Variants in ACOX1 observed in about 807,000 individuals in gnomAD.
ACOX1 encodes the protein peroxisomal acyl-coenzyme A oxidase 1.
In ACOX1, 41 loss-of-function variants were observed where a neutral mutation model predicts 75.5. The observed-to-expected ratio is 0.54, with a 90% confidence interval of 0.42 to 0.70. ACOX1 has a LOEUF of 0.70. ACOX1 is among the 30% of genes least tolerant of loss of function. The pLI, the probability that ACOX1 is intolerant of heterozygous loss-of-function variation, is 0.00. For missense variants in ACOX1, 630 were observed against 837.5 expected, an observed-to-expected ratio of 0.75 and a Z score of 3.06; for synonymous variants, 303 against 298.8, an observed-to-expected ratio of 1.01 and a Z score of -0.15.
At chr17:75,966,440 G>A (rs956579831) in intron 2 of ACOX1, among the ~76,000 whole-genome samples, 12 of 151,422 alleles carry the variant, frequency 7.9e-5, no homozygotes, top group Middle Eastern at 3.4e-3. Flanking sequence ...CTGGGCAACA[G>A]AGCAAGACTC....
At position 75,949,298 on chromosome 17, in the gene ACOX1, T is replaced by A; in HGVS notation, c.1647A>T (p.Lys549Asn). Residue 549 changes from lysine (K) to asparagine (N), a missense_variant, in exon 12 of 14, where the codon AAA (lysine) becomes AAT (asparagine). Lys to Asn is a moderately conservative substitution (Grantham distance 94). Around this residue, in one of 2 missense-constraint regions of ACOX1, gnomAD observed 240 missense variants for 262.7 expected, o/e 0.91. Coordinates refer to ENST00000293217, the MANE Select transcript of ACOX1 (RefSeq NM_004035.7). Reference protein sequence around the residue: ...FSEKLLKIQDKAIQAVLRSLC... With the variant: ...FSEKLLKIQDNAIQAVLRSLC... ...AACTCCTTAAGACAGCTTGAATGGC[T>A]TTATCTTGAATTTTGAGGAGTTTTT... 8 of 1,614,198 alleles carry A rather than the reference T, an allele frequency of 5.0e-6. No homozygotes were observed. The highest frequency in any genetic ancestry group is 6.8e-6 in the Non-Finnish European group (8 of 1,180,006).
intron 3 of ACOX1, among the ~76,000 whole-genome samples, chr17:75,959,119 C>T (rs1056469005): frequency 2.0e-5 from 3 of 152,130 alleles, no homozygotes; most frequent in African/African-American, 7.2e-5. Flanking sequence ...CTAAAGCAAA[C>T]GTTGGGAACC....
intron 2 of ACOX1, among the ~76,000 whole-genome samples, chr17:75,971,902 A>G (rs1323987557): frequency 6.6e-6 from 1 of 152,242 alleles, no homozygotes; most frequent in Non-Finnish European, 1.5e-5. Context: ...ATGACTGTTA[A>G]GTCGAATAAA....
At chr17:75,954,215 C>CAAA (rs1318167016) in intron 6 of ACOX1, among the ~76,000 whole-genome samples, 1 of 74,484 alleles carries the variant, frequency 1.3e-5, no homozygotes, top group Non-Finnish European at 2.9e-5. Flanking sequence ...GACTCTGTCT[C>CAAA]AAAAAAAAAA....
chr17:75,976,473 T>G (rs368450118), intron 2 of ACOX1, among the ~76,000 whole-genome samples: 4 of 152,080 alleles, frequency 2.6e-5, no homozygotes, highest in Non-Finnish European at 4.4e-5. Context: ...ATCTTACTAA[T>G]TTTTTCAAAT....
At chr17:75,971,291 C>CAA (rs376674086) in intron 2 of ACOX1, among the ~76,000 whole-genome samples, 4,040 of 92,368 alleles carry the variant, frequency 0.044, 66 homozygotes, top group Middle Eastern at 0.099. Context: ...AACTCTGTCT[C>CAA]AAAAAAAAAA....
chr17:75,965,908 T>G (rs546949413), intron 2 of ACOX1, among the ~76,000 whole-genome samples: 11 of 152,090 alleles, frequency 7.2e-5, no homozygotes, highest in Admixed American at 2.6e-4. Flanking sequence ...GGCAGGCAGA[T>G]CACCTGAGGT....
intron 2 of ACOX1, among the ~76,000 whole-genome samples, chr17:75,961,084 G>A (rs947383426): frequency 6.6e-6 from 1 of 151,918 alleles, no homozygotes. Context: ...CCTGAGGTCA[G>A]GAGTTCAAGA....
Position 75,955,924 on chromosome 17 carries a change from T to C in ACOX1, c.562A>G (p.Ile188Val), listed in dbSNP as rs2065820629. Residue 188 changes from isoleucine to valine, a missense_variant, in exon 5 of 14, where the codon ATA becomes GTA. By Grantham distance (29) the Ile-to-Val change is conservative. Coordinates refer to ENST00000293217, the MANE Select transcript of ACOX1 (RefSeq NM_004035.7). ...TTAGTGATGAGCTGGGCAAGAACTA[T>C]TGCATGATTTGAAGTCTTTCCAACT... is the stretch of plus-strand genomic sequence containing the variant. ...GGLGKTSNHAIVLAQLITKGK... is the reference protein window; with the variant it reads ...GGLGKTSNHAVVLAQLITKGK... 2 of 1,614,034 alleles carry C rather than the reference T, an allele frequency of 1.2e-6. No individual in the cohort carries two copies. The highest frequency in any genetic ancestry group is 1.3e-5 in the African/African-American group (1 of 74,932).
Position 75,948,277 on chromosome 17 carries a change from T to C in ACOX1, c.1909A>G (p.Lys637Glu). 2 of 1,614,152 alleles carry C rather than the reference T, an allele frequency of 1.2e-6. No homozygotes were observed. The highest frequency in any genetic ancestry group is 1.1e-5 in the South Asian group (1 of 91,076). Residue 637 changes from lysine (K) to glutamate (E), a missense_variant, in exon 13 of 14, where the codon AAG (lysine) becomes GAG (glutamate). By Grantham distance (56) the Lys-to-Glu change is moderately conservative (BLOSUM62 1). Coordinates refer to ENST00000293217, the MANE Select transcript of ACOX1 (RefSeq NM_004035.7). ...TCTGCTTTGTTCAGTGGGGAGTTCT[T>C]AGCCCACTCAAACAAGTTTTCATAC... ...NVYENLFEWA[K>E]NSPLNKAEVH...
intron 3 of ACOX1, 23 bp from the exon 4 acceptor site, chr17:75,957,589 C>T: frequency 1.3e-6 from 2 of 1,591,394 alleles, no homozygotes; most frequent in Non-Finnish European, 1.7e-6. Flanking sequence ...ATTACATTGA[C>T]TTCAGTTAAG....
At chr17:75,952,964 C>T (rs2467099) in intron 7 of ACOX1, among the ~76,000 whole-genome samples, 30,430 of 151,970 alleles carry the variant, frequency 0.2, 3,132 homozygotes, top group Non-Finnish European at 0.22. Context: ...TGTCAGCTAC[C>T]ACACCTGGCC....
rs1567892562 is a variant in ACOX1, at chr17:75,978,908, C to A, written c.109+57G>T. ...CCCCACAGCGCCCCTGACTCCGCAT[C>A]GAGGGAGTCTCCAGCTTTTCTCGGG... On this transcript the variant is annotated intron_variant, in intron 1 of 13. Coordinates refer to ENST00000293217, the MANE Select transcript of ACOX1 (RefSeq NM_004035.7). This position sits in a 1 kb window ranked among gnomAD's most constrained non-coding sequence, Gnocchi z 4.2. 4.4e-6 allele frequency: 7 copies of A among 1,603,676 alleles called. No homozygotes were observed. The highest frequency in any genetic ancestry group is 5.9e-6 in the Non-Finnish European group (7 of 1,178,584).
Position 75,950,252 on chromosome 17 carries a change from C to CTT in ACOX1, c.1299-357_1299-356dup, listed in dbSNP as rs544337292. On this transcript the variant is annotated intron_variant, in intron 9 of 13. Coordinates refer to ENST00000293217, the MANE Select transcript of ACOX1 (RefSeq NM_004035.7). The surrounding 1 kb of genome is among the most constrained non-coding windows in gnomAD (Gnocchi z 4.3). ...ACAGGAGTAAGCCACCACACCTGGC[C>CTT]TTTTTTTTTTTGATGGAGTTTTCGC... is the stretch of plus-strand genomic sequence containing the variant. Among the ~76,000 whole-genome samples, 301 of 142,576 alleles carry CTT rather than the reference C, an allele frequency of 2.1e-3. 3 individuals are homozygous for CTT. Among genetic ancestry groups the CTT allele is most frequent in the African/African-American group, 7.3e-3 (284 of 39,070 alleles). 93.5% of individuals were successfully genotyped at this position (142,576 alleles called of 152,430 possible).
In ACOX1 at chr17:75,963,248, G is replaced by A. The variant is rs565814932; in HGVS notation, c.270-2873C>T. Among the ~76,000 whole-genome samples, 66 of 152,126 alleles carry A rather than the reference G, an allele frequency of 4.3e-4. No homozygotes were observed. In the South Asian group the frequency reaches 9.1e-3, roughly 21 times the overall value. On this transcript the variant is annotated intron_variant, in intron 2 of 13. Transcript: ENST00000293217. ...TACTATGTTCACTATTTGGGCAATG[G>A]GTACTGCAAAATCCCAGACTTCACC...
At chr17:75,973,496 T>G in intron 2 of ACOX1, 4 of 1,013,344 alleles carry the variant, frequency 3.9e-6, no homozygotes, top group Non-Finnish European at 6.1e-6. Context: ...AACAAGAAGT[T>G]GAATTTTGAC....
At chr17:75,961,465 CA>C (rs142857967) in intron 2 of ACOX1, among the ~76,000 whole-genome samples, 19,058 of 51,036 alleles carry the variant, frequency 0.37, 2,706 homozygotes, top group African/African-American at 0.59. Flanking sequence ...ACTAAAAATA[CA>C]AAAAAAAAAA....
rs1023781699 is a variant in ACOX1, at chr17:75,950,671, A to AAT, written c.1298+101_1298+102dup. On this transcript the variant is annotated intron_variant, in intron 9 of 13. Transcript: ENST00000293217. The surrounding 1 kb of genome is among the most constrained non-coding windows in gnomAD (Gnocchi z 4.3). The stretch of plus-strand genomic sequence containing the variant: ...GGCAAAAGTATACCTTTCAGGAACA[A>AAT]ATATATATATACGGTGAAGAAAAAC... 73 of 1,304,992 alleles carry AAT rather than the reference A, an allele frequency of 5.6e-5. No homozygotes were observed. The highest frequency in any genetic ancestry group is 6.8e-5 in the Non-Finnish European group (62 of 913,628). The allele number at this position is 1,304,992 out of a possible 1,614,324, so 80.8% of individuals were successfully genotyped here.
rs2065672444 is a variant in ACOX1 at position 75,941,770 on chromosome 17, A to T, written c.*4978T>A. 6.6e-6 allele frequency: 1 copy of T among 152,180 alleles called. No individual in the cohort carries two copies. Among genetic ancestry groups the T allele is most frequent in the Non-Finnish European group, 1.5e-5 (1 of 68,060 alleles). 9.4% of individuals were successfully genotyped at this position (152,180 alleles called of 1,614,324 possible). A position where few individuals can be genotyped will look rare whatever the true frequency, so the allele number is the denominator to read the frequency against. On this transcript the variant is annotated 3_prime_UTR_variant, in exon 14 of 14. Transcript: ENST00000293217. Reference sequence around the variant, plus strand: ...ACTCGAGCCACAACAGCAAAGGGGGAAAAAGGTAGCAAAGTAATTATGTGC... The same window carrying T: ...ACTCGAGCCACAACAGCAAAGGGGGTAAAAGGTAGCAAAGTAATTATGTGC...
Sources: gnomAD v4.1 joint callset for allele counts (sites outside exome capture counted in the v4.1 genomes callset) on GRCh38, gnomAD v4.1.1 for gene constraint, gnomAD v4.1.1 regional missense constraint, Gnocchi (gnomAD v3.1) non-coding constraint, MANE v1.5 for transcripts, NCBI Gene and HGNC (gene_info 2026-07-23, HGNC 2026-07-21) for gene names.